The following PSD4 variants were observed in gnomAD, a reference collection of about 807,000 sequenced individuals.
The protein encoded by PSD4 is PH and SEC7 domain-containing protein 4.
A neutral mutation model predicts 112.5 loss-of-function variants in PSD4; 59 were observed. The ratio of observed to expected loss-of-function variants is 0.52; its 90% CI spans 0.43 to 0.65. The LOEUF (loss-of-function observed/expected upper bound fraction) is 0.65. Among genes scored for constraint, PSD4 ranks in the 30% least tolerant of loss-of-function variants. The pLI, the probability that PSD4 is intolerant of heterozygous loss-of-function variation, is 0.00. For missense variants in PSD4, 1,267 were observed against 1,352.6 expected (o/e 0.94, Z 0.99); for synonymous variants, 533 against 540.0 (o/e 0.99, Z 0.18).
rs1300667636 is a variant in PSD4 at position 113,202,277 on chromosome 2, G to C, written c.*862G>C. 1.3e-5 allele frequency: 2 copies of C among 152,304 alleles called. No homozygotes were observed. The highest frequency in any genetic ancestry group is 2.4e-5 in the African/African-American group (1 of 41,452). The allele number at this position is 152,304 out of a possible 1,614,324, so 9.4% of individuals were successfully genotyped here. A position where few individuals can be genotyped will look rare whatever the true frequency, so the allele number is the denominator to read the frequency against. ...CAGAGAAGGAGGTTCTCTATGTTCA[G>C]ACCACTGGAGAGGATAGAGAGGTAA... On this transcript the variant is annotated 3_prime_UTR_variant, in exon 17 of 17. Coordinates refer to ENST00000245796, the MANE Select transcript of PSD4 (RefSeq NM_012455.3).
chr2:113,177,999 C>T (rs1169887348), intron 1 of PSD4, among the ~76,000 whole-genome samples: 1 of 152,162 alleles, frequency 6.6e-6, no homozygotes, highest in Non-Finnish European at 1.5e-5. Context: ...AGGTGGATCA[C>T]CTGAGGTCAG....
chr2:113,177,247 A>G (rs996330791), intron 1 of PSD4, among the ~76,000 whole-genome samples: 3 of 152,210 alleles, frequency 2.0e-5, no homozygotes, highest in Admixed American at 6.5e-5. Flanking sequence ...GGAAGCCTTC[A>G]TATTATAATG....
chr2:113,192,437 A>C lies in PSD4; in HGVS notation c.1686A>C (p.Gln562His), dbSNP rs1457963811. The C allele has an allele frequency of 1.2e-6, 2 of 1,614,250 alleles. No homozygotes were observed. The highest frequency in any genetic ancestry group is 1.7e-5 in the Admixed American group (1 of 60,036). The change falls in exon 6 of 17, where the codon CAA becomes CAC. Residue 562 changes from glutamine to histidine, a missense_variant. Gln to His is a conservative substitution (Grantham distance 24). Around this residue, in one of 2 missense-constraint regions of PSD4, gnomAD observed 723 missense variants for 704.0 expected, o/e 1.03. Transcript: ENST00000245796. ...GGCTTCCTGGGAGCCCTATGCCCCA[A>C]GCACAGTCCCCAGAGGAAGGCCAGA... ...SSWLPGSPMP[Q>H]AQSPEEGQRP...
At chr2:113,178,507 A>G (rs1688037009) in intron 1 of PSD4, among the ~76,000 whole-genome samples, 1 of 151,652 alleles carries the variant, frequency 6.6e-6, no homozygotes, top group Non-Finnish European at 1.5e-5. Context: ...TGTATCTAGT[A>G]TCAGCATTAG....
At chr2:113,185,634 T>G (rs1253229767) in intron 4 of PSD4, 194 bp downstream of exon 4, 3 of 1,547,884 alleles carry the variant, frequency 1.9e-6, no homozygotes, top group East Asian at 2.4e-5. Context: ...GGACCAGCAT[T>G]TCTTACCGCT....
At position 113,193,694 on chromosome 2, in the gene PSD4, A is replaced by T. The variant is rs771866661; in HGVS notation, c.2091+44A>T. 1.9e-6 allele frequency: 3 copies of T among 1,593,316 alleles called. No individual in the cohort carries two copies. The African/African-American group carries it at 4.0e-5, about 21-fold the overall frequency. ...TCCCTGTGGGAACTGAGGCTGTAAC[A>T]AGGGGTGCGGGGAGGAGAAGACCAG... On this transcript the variant is annotated intron_variant, in intron 9 of 16. Transcript: ENST00000245796.
chr2:113,196,272 C>T lies in PSD4; in HGVS notation c.2351C>T (p.Ala784Val). The T allele has an allele frequency of 6.2e-7, 1 of 1,613,788 alleles. No individual in the cohort carries two copies. ...CCCACCTACAAGCAGGGCATCCTGGCTCGGAAAATGCATCAAGATGCAGAC... is the reference window on the plus strand; with the variant it reads ...CCCACCTACAAGCAGGGCATCCTGGTTCGGAAAATGCATCAAGATGCAGAC... ...TVPTYKQGIL[A>V]RKMHQDADGK... The change falls in exon 12 of 17, where the codon GCT (alanine) becomes GTT (valine). Residue 784 changes from alanine to valine, a missense_variant. This residue lies in a region of PSD4 where 544 missense variants were observed against 648.6 expected (regional missense o/e 0.84). Transcript: ENST00000245796.
intron 11 of PSD4, among the ~76,000 whole-genome samples, 180 bp from the exon 12 acceptor site, chr2:113,195,967 G>A (rs560292542): frequency 1.2e-4 from 18 of 152,144 alleles, no homozygotes; most frequent in African/African-American, 2.9e-4. Context: ...GTAGTGGGGC[G>A]TGGGGTATGG....
At position 113,199,145 on chromosome 2, in the gene PSD4, A is replaced by G. The variant is rs766155233; in HGVS notation, c.2832A>G (p.Leu944=). 2 of 1,529,426 alleles carry G rather than the reference A, an allele frequency of 1.3e-6. No homozygotes were observed. Among genetic ancestry groups the G allele is most frequent in the South Asian group, 1.2e-5 (1 of 82,592 alleles). The allele number at this position is 1,529,426 out of a possible 1,614,324, so 94.7% of individuals were successfully genotyped here. The part of the protein sequence containing the change: ...LDAAADDLLD[L]QRNLPERRGR... ...CTGCCGCGGACGACCTGCTGGATCT[A>G]CAGAGGAACCTGCCGGAGCGGCGGG... Residue 944 remains leucine, a synonymous_variant, in exon 16 of 17, where the codon CTA becomes CTG. Coordinates refer to ENST00000245796, the MANE Select transcript of PSD4 (RefSeq NM_012455.3).
At position 113,198,810 on chromosome 2, in the gene PSD4, T is replaced by C; in HGVS notation, c.2695T>C (p.Phe899Leu). 6.3e-7 allele frequency: 1 copy of C among 1,586,610 alleles called. No individual in the cohort carries two copies. Among genetic ancestry groups the C allele is most frequent in the Non-Finnish European group, 8.6e-7 (1 of 1,169,566 alleles). The change falls in exon 15 of 17, where the codon TTC becomes CTC. Residue 899 changes from phenylalanine (F) to leucine (L), a missense_variant. Phe to Leu is a conservative substitution (Grantham distance 22, BLOSUM62 0). This residue lies in a region of PSD4 where 544 missense variants were observed against 648.6 expected (regional missense o/e 0.84). Transcript: ENST00000245796. ...LAAATHSAPP[F>L]PAAVGSQRRF... Reference sequence around the variant, plus strand: ...TGCGGCCACGCACTCCGCGCCGCCCTTCCCCGCCGCTGTGGGCTCCCAGCG... The same window carrying C: ...TGCGGCCACGCACTCCGCGCCGCCCCTCCCCGCCGCTGTGGGCTCCCAGCG...
In PSD4 at chr2:113,205,119, C is replaced by G. The variant is rs1368790357; in HGVS notation, c.*3704C>G. The G allele has an allele frequency of 6.6e-6, 1 of 152,032 alleles. No individual in the cohort carries two copies. Among genetic ancestry groups the G allele is most frequent in the African/African-American group, 2.4e-5 (1 of 41,394 alleles). 9.4% of individuals were successfully genotyped at this position (152,032 alleles called of 1,614,324 possible). On this transcript the variant is annotated 3_prime_UTR_variant, in exon 17 of 17. Coordinates refer to ENST00000245796, the MANE Select transcript of PSD4 (RefSeq NM_012455.3). The stretch of plus-strand genomic sequence containing the variant: ...AGTAGCTGGGATTACAGGCATGCAC[C>G]ACCATGCCCAGCTAATTTTGTATTT...
chr2:113,193,840 C>T lies in PSD4; in HGVS notation c.2092-19C>T. The T allele has an allele frequency of 6.2e-7, 1 of 1,612,444 alleles. No homozygotes were observed. The highest frequency in any genetic ancestry group is 8.5e-7 in the Non-Finnish European group (1 of 1,178,542). Reference sequence around the variant, plus strand: ...GATGGGGTGTGTGCTCGAGTCATCCCACTTCTCCGTGGCTACAGAACATTG... The same window carrying T: ...GATGGGGTGTGTGCTCGAGTCATCCTACTTCTCCGTGGCTACAGAACATTG... On this transcript the variant is annotated intron_variant, in intron 9 of 16. Coordinates refer to ENST00000245796, the MANE Select transcript of PSD4 (RefSeq NM_012455.3).
At chr2:113,195,815 T>C (rs1381549769) in intron 11 of PSD4, 45 bp downstream of exon 11, 1 of 1,611,998 alleles carries the variant, frequency 6.2e-7, no homozygotes, top group South Asian at 1.1e-5. Flanking sequence ...CCCTCTCCCC[T>C]GTCTTTGGAC....
At chr2:113,185,304 T>TC (rs1296098139) in intron 3 of PSD4, 61 bp from the exon 4 acceptor site, 15 of 1,600,442 alleles carry the variant, frequency 9.4e-6, no homozygotes, top group Middle Eastern at 3.3e-4. Context: ...GCCTGGCCTC[T>TC]CCCCCATCCA....
In PSD4 at chr2:113,206,435, A is replaced by G. The variant is rs567629802; in HGVS notation, c.*5020A>G. 6.6e-6 allele frequency: 1 copy of G among 152,304 alleles called. No homozygotes were observed. Among genetic ancestry groups the G allele is most frequent in the African/African-American group, 2.4e-5 (1 of 41,532 alleles). The allele number at this position is 152,304 out of a possible 1,614,324, so 9.4% of individuals were successfully genotyped here. A position where few individuals can be genotyped will look rare whatever the true frequency, so the allele number is the denominator to read the frequency against. The stretch of plus-strand genomic sequence containing the variant: ...CTTCTTCCGCCATCACCTCTCAGCG[A>G]CCTTTGGCCTTGATAGCTATGTGAT... On this transcript the variant is annotated 3_prime_UTR_variant, in exon 17 of 17. Coordinates refer to ENST00000245796, the MANE Select transcript of PSD4 (RefSeq NM_012455.3).
rs928790064 is a variant in PSD4, at chr2:113,182,589, C to A, written c.133C>A (p.Pro45Thr). The change falls in exon 2 of 17, where the codon CCT (proline) becomes ACT (threonine). Residue 45 changes from proline (P) to threonine (T), a missense_variant. Pro to Thr is a conservative substitution (Grantham distance 38). Coordinates refer to ENST00000245796, the MANE Select transcript of PSD4 (RefSeq NM_012455.3). ...ETCSHEDPPEPFEEQTWATDP... is the reference protein window; with the variant it reads ...ETCSHEDPPETFEEQTWATDP... ...GTGCAGCCATGAGGATCCACCGGAG[C>A]CTTTCGAGGAGCAAACCTGGGCCAC... 28 of 1,614,082 alleles carry A rather than the reference C, an allele frequency of 1.7e-5. No individual in the cohort carries two copies. The highest frequency in any genetic ancestry group is 2.3e-5 in the Non-Finnish European group (27 of 1,180,034).
rs144616706 is a variant in PSD4 at position 113,183,339 on chromosome 2, A to G, written c.883A>G (p.Thr295Ala). The G allele has an allele frequency of 1.8e-4, 285 of 1,601,814 alleles. No individual in the cohort carries two copies. In the African/African-American group the frequency reaches 3.3e-3, roughly 19 times the overall value. Residue 295 changes from threonine to alanine, a missense_variant, in exon 2 of 17, where the codon ACA (threonine) becomes GCA (alanine). Physicochemically the swap from Thr to Ala is moderately conservative, Grantham distance 58 (BLOSUM62 0). Coordinates refer to ENST00000245796, the MANE Select transcript of PSD4 (RefSeq NM_012455.3). ...ATLEPPLPED[T>A]VLWELESEPD... ...TCTGGAGCCTCCCCTCCCAGAAGAC[A>G]CAGTGCTGTGGGAGCTGGAAAGTGA...
chr2:113,189,905 T>C (rs899537471), intron 5 of PSD4, among the ~76,000 whole-genome samples: 6 of 152,256 alleles, frequency 3.9e-5, no homozygotes, highest in Admixed American at 3.3e-4. Flanking sequence ...TTGTAGATTC[T>C]GGATATTAGT....
Position 113,186,190 on chromosome 2 carries a change from AG to A in PSD4, c.1565del (p.Gly522GlufsTer17). On this transcript the variant is annotated frameshift_variant, in exon 5 of 17. Transcript: ENST00000245796. LOFTEE classifies it high-confidence loss of function. ...PKPGEEVKSE[G>X]TARPAETGDV... is the part of the protein sequence containing the mutation. ...AACCAGGCGAGGAAGTAAAGAGTGA[AG>A]GAACAGCCAGGCCTGCAGAGACTGG... The A allele has an allele frequency of 6.2e-7, 1 of 1,613,796 alleles. No homozygotes were observed. The highest frequency in any genetic ancestry group is 8.5e-7 in the Non-Finnish European group (1 of 1,179,910).
Sources: allele counts gnomAD v4.1 joint callset (sites outside exome capture counted in the v4.1 genomes callset), GRCh38; gene constraint gnomAD v4.1.1; regional missense constraint gnomAD v4.1.1; transcripts MANE v1.5; gene names NCBI Gene and HGNC (gene_info 2026-07-23, HGNC 2026-07-21).